PRICKLE2: variants seen among roughly 807,000 people sequenced by gnomAD.
PRICKLE2 encodes prickle planar cell polarity protein 2, also known as prickle-like protein 2.
Under a neutral mutation model 81.4 loss-of-function variants are expected in PRICKLE2, and 21 were observed. The ratio of observed to expected loss-of-function variants is 0.26; its 90% CI spans 0.18 to 0.37. PRICKLE2 has a LOEUF of 0.37. Among genes scored for constraint, PRICKLE2 ranks in the 10% least tolerant of loss-of-function variants. The probability of loss-of-function intolerance (pLI) is 1.00; values close to 1 mark genes in which losing one functional copy is unlikely to be tolerated. For missense variants in PRICKLE2, 940 were observed against 1,109.0 expected (o/e 0.85, Z 2.16); for synonymous variants, 456 against 421.5 (o/e 1.08, Z -1.00).
At chr3:64,175,063 C>A in intron 2 of PRICKLE2, 1 of 157,218 alleles carries the variant, frequency 6.4e-6, no homozygotes, top group Non-Finnish European at 1.4e-5. Context: ...ATGGAGAAGT[C>A]TGCCCAGCAA....
At chr3:64,125,074 G>A (rs2077085939) in intron 7 of PRICKLE2, among the ~76,000 whole-genome samples, 1 of 152,086 alleles carries the variant, frequency 6.6e-6, no homozygotes. Flanking sequence ...ATAATAATAG[G>A]AGTTTGGACA....
intron 1 of PRICKLE2, among the ~76,000 whole-genome samples, chr3:64,202,286 A>T (rs2078597615): frequency 3.3e-5 from 5 of 152,228 alleles, no homozygotes; most frequent in Admixed American, 3.3e-4. Context: ...GTGCAAAAAA[A>T]AGCCAACTAG....
intron 2 of PRICKLE2, among the ~76,000 whole-genome samples, chr3:64,165,190 A>G (rs1031100231): frequency 2.0e-5 from 3 of 152,048 alleles, no homozygotes; most frequent in African/African-American, 7.2e-5. Flanking sequence ...CCCCCTGTCC[A>G]TTGCCTAGAG....
chr3:64,118,872 T>TGGGTAC (rs2076982371), intron 7 of PRICKLE2, among the ~76,000 whole-genome samples: 1 of 2,862 alleles, frequency 3.5e-4, no homozygotes, highest in South Asian at 0.05. Flanking sequence ...AAATAAATAT[T>TGGGTAC]ATATCCAAAT....
chr3:64,155,366 G>GA (rs56209328), intron 5 of PRICKLE2, among the ~76,000 whole-genome samples: 76,712 of 146,600 alleles, frequency 0.52, 20,747 homozygotes, highest in Non-Finnish European at 0.59. Context: ...TAGCTATAAT[G>GA]AAAAAAAAAA....
intron 1 of PRICKLE2, among the ~76,000 whole-genome samples, chr3:64,221,415 A>G (rs374380107): frequency 1.4e-5 from 2 of 138,020 alleles, no homozygotes; most frequent in South Asian, 4.7e-4. Context: ...CCCCTGCTTG[A>G]TTCATACACA....
chr3:64,160,111 C>A (rs1326136223), intron 3 of PRICKLE2, 34 bp from the exon 4 acceptor site: 1 of 1,609,902 alleles, frequency 6.2e-7, no homozygotes, highest in South Asian at 1.1e-5. Flanking sequence ...TGGAAAAAGT[C>A]ACCCTTGCTC....
At chr3:64,208,112 T>C (rs577628860) in intron 1 of PRICKLE2, among the ~76,000 whole-genome samples, 3 of 152,218 alleles carry the variant, frequency 2.0e-5, no homozygotes, top group Admixed American at 2.0e-4. Context: ...AGGAGGGAAT[T>C]AGGTGTCTGG....
chr3:64,170,936 G>A (rs533824144), intron 2 of PRICKLE2, among the ~76,000 whole-genome samples: 8 of 152,034 alleles, frequency 5.3e-5, no homozygotes, highest in Non-Finnish European at 1.0e-4. Flanking sequence ...CAACAACCCT[G>A]GATTATCTCC....
At chr3:64,121,483 TTCTG>T (rs1343014394) in intron 7 of PRICKLE2, among the ~76,000 whole-genome samples, 1 of 152,156 alleles carries the variant, frequency 6.6e-6, no homozygotes, top group Admixed American at 6.5e-5. Flanking sequence ...TGCTTATAAT[TTCTG>T]TCTCAGTTAT....
intron 1 of PRICKLE2, among the ~76,000 whole-genome samples, chr3:64,213,739 G>A (rs1559583523): frequency 6.7e-6 from 1 of 149,802 alleles, no homozygotes; most frequent in Non-Finnish European, 1.5e-5. Context: ...CAAGCTCTGT[G>A]TCAAACGCTT....
intron 2 of PRICKLE2, among the ~76,000 whole-genome samples, chr3:64,236,827 A>G (rs1400732693): frequency 6.6e-6 from 1 of 152,220 alleles, no homozygotes; most frequent in East Asian, 1.9e-4. Context: ...CAATTGTATT[A>G]TCTTCACAAA....
At chr3:64,208,932 C>T (rs1262880150) in intron 1 of PRICKLE2, among the ~76,000 whole-genome samples, 1 of 152,196 alleles carries the variant, frequency 6.6e-6, no homozygotes, top group African/African-American at 2.4e-5. Context: ...ATCCACCCAT[C>T]TATCCATCCA....
At chr3:64,138,067 A>T (rs774827935) in intron 7 of PRICKLE2, among the ~76,000 whole-genome samples, 1 of 151,920 alleles carries the variant, frequency 6.6e-6, no homozygotes, top group East Asian at 1.9e-4. Context: ...TTAAATTCAA[A>T]TATGGTGGGG....
intron 2 of PRICKLE2, among the ~76,000 whole-genome samples, chr3:64,184,293 A>C (rs1223965981): frequency 1.3e-5 from 2 of 152,210 alleles, no homozygotes; most frequent in Non-Finnish European, 2.9e-5. Context: ...GACCTCAACA[A>C]GGTAAAACAA....
At chr3:64,190,722 T>C (rs1038165726) in intron 2 of PRICKLE2, among the ~76,000 whole-genome samples, 24 of 152,158 alleles carry the variant, frequency 1.6e-4, no homozygotes, top group African/African-American at 5.6e-4. Flanking sequence ...TACAGACAGG[T>C]ACTAACAAGG....
At position 64,147,231 on chromosome 3, in the gene PRICKLE2, C is replaced by G. The variant is rs1283828079; in HGVS notation, c.1259G>C (p.Ser420Thr). Residue 420 changes from serine (S) to threonine (T), a missense_variant, in exon 7 of 8, where the codon AGC becomes ACC. By Grantham distance (58) the Ser-to-Thr change is moderately conservative. Transcript: ENST00000638394. This position sits in a 1 kb window ranked among gnomAD's most constrained non-coding sequence, Gnocchi z 5.0. ...GTAGGAAGTTCTGATGTTGCACTGG[C>G]TGAGGAGCTGCAGAGGGCTCTGGGT... ...NQTQSPLQLL[S>T]QCNIRTSYSP... is the part of the protein sequence containing the mutation. The G allele has an allele frequency of 6.2e-7, 1 of 1,609,112 alleles. No homozygotes were observed. The highest frequency in any genetic ancestry group is 1.1e-5 in the South Asian group (1 of 90,472).
intron 2 of PRICKLE2, among the ~76,000 whole-genome samples, chr3:64,191,255 C>T (rs961029503): frequency 6.6e-6 from 1 of 152,222 alleles, no homozygotes; most frequent in Non-Finnish European, 1.5e-5. Flanking sequence ...GGAAGCCAAA[C>T]GTTCCTTCTG....
At chr3:64,168,511 C>T (rs947606911) in intron 2 of PRICKLE2, among the ~76,000 whole-genome samples, 3 of 152,204 alleles carry the variant, frequency 2.0e-5, no homozygotes, top group Non-Finnish European at 2.9e-5. Flanking sequence ...ATGAAGGAAG[C>T]GGTCATCGAA....
Sources: allele counts gnomAD v4.1 joint callset (sites outside exome capture counted in the v4.1 genomes callset), GRCh38; gene constraint gnomAD v4.1.1; non-coding constraint Gnocchi (gnomAD v3.1); transcripts MANE v1.5; gene names NCBI Gene and HGNC (gene_info 2026-07-23, HGNC 2026-07-21).